GPATCH8: variants seen among roughly 807,000 people sequenced by gnomAD.
GPATCH8 encodes G-patch domain containing 8, also known as G patch domain-containing protein 8.
Under a neutral mutation model 118.3 loss-of-function variants are expected in GPATCH8, and 18 were observed. The observed-to-expected ratio is 0.15, with a 90% CI of 0.11 to 0.23. The LOEUF (loss-of-function observed/expected upper bound fraction) is 0.23, where lower values mean the gene tolerates loss of function less well. Among genes scored for constraint, GPATCH8 ranks in the 10% least tolerant of loss-of-function variants. The pLI is 1.00. For synonymous variants in GPATCH8, 659 were observed against 684.7 expected (o/e 0.96, Z 0.59); for missense variants, 1,631 against 1,873.8 (o/e 0.87, Z 2.39).
chr17:44,453,478 T>TGTAG (rs562953244), intron 3 of GPATCH8, among the ~76,000 whole-genome samples: 3 of 131,498 alleles, frequency 2.3e-5, no homozygotes, highest in Non-Finnish European at 3.4e-5. Context: ...CCCTTCTAGT[T>TGTAG]GTAGGTAGGT....
rs533928000 is a variant in GPATCH8, at chr17:44,431,029, G to A, written c.348+4036C>T. Among the ~76,000 whole-genome samples the A allele has an allele frequency of 4.6e-5, 7 of 151,788 alleles. No homozygotes were observed. In the South Asian group the frequency reaches 1.3e-3, roughly 27 times the overall value. On this transcript the variant is annotated intron_variant, in intron 5 of 7. Transcript: ENST00000591680. ...GTATTGCTATAAAATGACTAAAATG[G>A]TAAATTTATGTTATGTGAATTTTAT...
At chr17:44,415,665 G>A (rs1232148226) in intron 6 of GPATCH8, among the ~76,000 whole-genome samples, 1 of 152,180 alleles carries the variant, frequency 6.6e-6, no homozygotes, top group Non-Finnish European at 1.5e-5. Flanking sequence ...CCAGTTCAGA[G>A]CTCTTTACAG....
At chr17:44,465,364 A>G (rs1392071410) in intron 2 of GPATCH8, 1 of 152,198 alleles carries the variant, frequency 6.6e-6, no homozygotes, top group African/African-American at 2.4e-5. Flanking sequence ...TCCCAGGAGC[A>G]CATTCGAAAA....
At chr17:44,437,893 AAAAAC>A (rs2050563689) in intron 3 of GPATCH8, among the ~76,000 whole-genome samples, 1 of 151,800 alleles carries the variant, frequency 6.6e-6, no homozygotes, top group Admixed American at 6.6e-5. Context: ...ATCACAGTAA[AAAAAC>A]AAAACAAAAA....
rs1230449375 is a variant in GPATCH8, at chr17:44,474,906, G to GA, written c.46-4dup. The GA allele has an allele frequency of 3.5e-6, 5 of 1,445,926 alleles. No individual in the cohort carries two copies. The highest frequency in any genetic ancestry group is 2.9e-6 in the Non-Finnish European group (3 of 1,027,506). The allele number at this position is 1,445,926 out of a possible 1,614,324, so 89.6% of individuals were successfully genotyped here. ...TCATACTGATCAAAGTGATTACCCT[G>GA]AAAAAAGATGATTACAGTTATTTTT... On this transcript the variant is annotated splice_region_variant and splice_polypyrimidine_tract_variant and intron_variant, in intron 1 of 7. Coordinates refer to ENST00000591680, the MANE Select transcript of GPATCH8 (RefSeq NM_001002909.4).
intron 3 of GPATCH8, among the ~76,000 whole-genome samples, chr17:44,446,885 A>T (rs2050904192): frequency 1.3e-5 from 2 of 151,888 alleles, no homozygotes; most frequent in South Asian, 4.2e-4. Context: ...CCCAGGCTGG[A>T]GCACAGTGTC....
chr17:44,439,548 A>G (rs2050618905), intron 3 of GPATCH8, among the ~76,000 whole-genome samples: 1 of 152,208 alleles, frequency 6.6e-6, no homozygotes, highest in African/African-American at 2.4e-5. Context: ...TAAAGAGGCT[A>G]TAGACCAAGG....
At chr17:44,418,183 A>G (rs1244508895) in intron 6 of GPATCH8, among the ~76,000 whole-genome samples, 1 of 150,076 alleles carries the variant, frequency 6.7e-6, no homozygotes, top group Non-Finnish European at 1.5e-5. Flanking sequence ...GGAAGGGAGG[A>G]AGGGAGGGAG....
chr17:44,496,686 A>G (rs1320086402), intron 1 of GPATCH8, among the ~76,000 whole-genome samples: 1 of 152,224 alleles, frequency 6.6e-6, no homozygotes, highest in Non-Finnish European at 1.5e-5. Flanking sequence ...ACTAAATAAC[A>G]GTTACGTGCT....
chr17:44,429,537 T>C (rs982066159), intron 5 of GPATCH8, among the ~76,000 whole-genome samples: 2 of 152,018 alleles, frequency 1.3e-5, no homozygotes, highest in African/African-American at 4.8e-5. Context: ...CTAGGCCACG[T>C]GGTGGCTCAC....
chr17:44,490,690 T>C (rs1031649766), intron 1 of GPATCH8, among the ~76,000 whole-genome samples: 1 of 152,060 alleles, frequency 6.6e-6, no homozygotes, highest in African/African-American at 2.4e-5. Context: ...TTAAATTATA[T>C]GCATACACCC....
rs908851842 is a variant in GPATCH8, at chr17:44,446,254, A to T, written c.194-9709T>A. On this transcript the variant is annotated intron_variant, in intron 3 of 7. Transcript: ENST00000591680. ...TGTGAGTCACCATGCCGCCTATATT[A>T]GTTTCGTGATCCAAAAATAGAGGAG... Among the ~76,000 whole-genome samples the T allele has an allele frequency of 3.3e-5, 5 of 151,786 alleles. No individual in the cohort carries two copies. The East Asian group carries it at 7.9e-4, about 24-fold the overall frequency.
At chr17:44,427,789 A>T (rs1197964025) in intron 5 of GPATCH8, among the ~76,000 whole-genome samples, 2 of 152,180 alleles carry the variant, frequency 1.3e-5, no homozygotes, top group African/African-American at 2.4e-5. Context: ...TTTAAAATGG[A>T]AGAGGAAAGA....
chr17:44,396,342 T>C lies in GPATCH8; in HGVS notation c.*1226A>G, dbSNP rs749176137. 2.2e-6 allele frequency: 1 copy of C among 454,440 alleles called. No individual in the cohort carries two copies. Among genetic ancestry groups the C allele is most frequent in the South Asian group, 1.6e-5 (1 of 64,478 alleles). The allele number at this position is 454,440 out of a possible 1,614,324, so 28.2% of individuals were successfully genotyped here. A position where few individuals can be genotyped will look rare whatever the true frequency, so the allele number is the denominator to read the frequency against. ...GTTTCTCTGTGTAAAACAGCAAAAG[T>C]ACATGAGGGAGACTGTTAAAGATGA... On this transcript the variant is annotated 3_prime_UTR_variant, in exon 8 of 8. Transcript: ENST00000591680.
chr17:44,416,756 A>G (rs1185118742), intron 6 of GPATCH8, among the ~76,000 whole-genome samples: 3 of 152,200 alleles, frequency 2.0e-5, no homozygotes, highest in Non-Finnish European at 4.4e-5. Context: ...AAAGTTAATT[A>G]AATCATGTAT....
intron 1 of GPATCH8, among the ~76,000 whole-genome samples, chr17:44,481,085 A>G (rs1568051961): frequency 1.3e-5 from 2 of 151,980 alleles, no homozygotes; most frequent in Admixed American, 6.6e-5. Flanking sequence ...TAATTTTTGT[A>G]TTGTTGGTAG....
At chr17:44,472,838 G>C (rs1455573553) in intron 2 of GPATCH8, among the ~76,000 whole-genome samples, 4 of 151,928 alleles carry the variant, frequency 2.6e-5, no homozygotes, top group Non-Finnish European at 5.9e-5. Flanking sequence ...TGGGACTACA[G>C]GTGCCTACCA....
At chr17:44,433,729 C>A (rs1313796342) in intron 5 of GPATCH8, among the ~76,000 whole-genome samples, 1 of 152,086 alleles carries the variant, frequency 6.6e-6, no homozygotes, top group Non-Finnish European at 1.5e-5. Context: ...GAAGTTCAGG[C>A]AGAATAAACA....
chr17:44,487,767 TG>T (rs559542190), intron 1 of GPATCH8, among the ~76,000 whole-genome samples: 1 of 152,340 alleles, frequency 6.6e-6, no homozygotes, highest in South Asian at 2.1e-4. Flanking sequence ...CCTGTCATTG[TG>T]ATGAGACTAC....
Sources: allele counts gnomAD v4.1 joint callset (sites outside exome capture counted in the v4.1 genomes callset), GRCh38; gene constraint gnomAD v4.1.1; transcripts MANE v1.5; gene names NCBI Gene and HGNC (gene_info 2026-07-23, HGNC 2026-07-21).